EFCAB13: variants seen among roughly 807,000 people sequenced by gnomAD.
EFCAB13 encodes the protein EF-hand calcium-binding domain-containing protein 13.
EFCAB13 carries 91 observed loss-of-function variants against 110.2 expected under a neutral mutation model. The ratio of observed to expected loss-of-function variants is 0.83; its 90% CI spans 0.70 to 0.98. EFCAB13 has a LOEUF of 0.98. Ranked by LOEUF, EFCAB13 falls within the 50% of genes least tolerant of loss-of-function variation. EFCAB13 has a pLI of 0.00. For missense variants in EFCAB13, 968 were observed against 1,119.4 expected, an observed-to-expected ratio of 0.86 and a Z score of 1.93; for synonymous variants, 323 against 369.9, an observed-to-expected ratio of 0.87 and a Z score of 1.45.
chr17:47,338,243 G>GTTTTTTTTTTTTTTTTT (rs11334311), intron 5 of EFCAB13, among the ~76,000 whole-genome samples: 1 of 137,796 alleles, frequency 7.3e-6, no homozygotes, highest in Non-Finnish European at 1.6e-5. Context: ...GTCACTACTA[G>GTTTTTTTTTTTTTTTTT]TTTTTTTTTT....
In EFCAB13 at chr17:47,361,540, G is replaced by A. The variant is rs754900733; in HGVS notation, c.805+19G>A. ...ATTGACAGTGAGTTATTTGCATTGA[G>A]ATATATATGTCCATATATATGTGCA... is the stretch of plus-strand genomic sequence containing the variant. On this transcript the variant is annotated intron_variant, in intron 10 of 24. Transcript: ENST00000331493. 74 of 1,586,290 alleles carry A rather than the reference G, an allele frequency of 4.7e-5. No homozygotes were observed. The highest frequency in any genetic ancestry group is 6.0e-5 in the Non-Finnish European group (69 of 1,156,274).
chr17:47,413,707 T>C (rs1232510330), intron 22 of EFCAB13, among the ~76,000 whole-genome samples: 1 of 152,076 alleles, frequency 6.6e-6, no homozygotes, highest in East Asian at 1.9e-4. Context: ...AGATGCATGC[T>C]GGGCCTTCAA....
intron 23 of EFCAB13, among the ~76,000 whole-genome samples, chr17:47,416,582 TC>T: frequency 6.6e-6 from 1 of 152,178 alleles, no homozygotes; most frequent in South Asian, 2.1e-4. Context: ...TTTCCCCTTC[TC>T]CCCCTCCCCT....
chr17:47,332,533 AAT>A (rs1271728928), intron 4 of EFCAB13, among the ~76,000 whole-genome samples: 1 of 151,916 alleles, frequency 6.6e-6, no homozygotes, highest in Non-Finnish European at 1.5e-5. Context: ...CCCTTTGATC[AAT>A]GTCTTCCCAT....
intron 23 of EFCAB13, among the ~76,000 whole-genome samples, chr17:47,421,599 G>A (rs1904712777): frequency 2.4e-5 from 3 of 126,182 alleles, no homozygotes; most frequent in Non-Finnish European, 4.8e-5. Flanking sequence ...ATCCCCCTCT[G>A]CGAGAAACAC....
chr17:47,420,047 G>A (rs1429562045), intron 23 of EFCAB13, among the ~76,000 whole-genome samples: 1 of 152,014 alleles, frequency 6.6e-6, no homozygotes, highest in African/African-American at 2.4e-5. Flanking sequence ...CAACCTCCCT[G>A]CCTGATTCTC....
chr17:47,351,580 CT>C (rs2065453543), intron 9 of EFCAB13, among the ~76,000 whole-genome samples: 1 of 152,080 alleles, frequency 6.6e-6, no homozygotes, highest in Non-Finnish European at 1.5e-5. Context: ...TATATATCTT[CT>C]TTTGAAAAAT....
intron 5 of EFCAB13, among the ~76,000 whole-genome samples, chr17:47,340,372 T>G (rs1380953393): frequency 1.3e-5 from 2 of 152,130 alleles, no homozygotes; most frequent in Non-Finnish European, 2.9e-5. Context: ...TGTGTGCCTA[T>G]AATTCAGTAC....
At chr17:47,325,923 A>AAAATATAT (rs548207910) in intron 2 of EFCAB13, among the ~76,000 whole-genome samples, 4 of 102,552 alleles carry the variant, frequency 3.9e-5, no homozygotes, top group South Asian at 3.8e-4. Context: ...ATATAAACAA[A>AAAATATAT]ATATATATAT....
chr17:47,363,502 G>C (rs888553521), intron 10 of EFCAB13, among the ~76,000 whole-genome samples: 1 of 151,370 alleles, frequency 6.6e-6, no homozygotes, highest in Non-Finnish European at 1.5e-5. Context: ...TTCAAGTGTG[G>C]AAAGAGTCAA....
intron 23 of EFCAB13, among the ~76,000 whole-genome samples, chr17:47,422,841 C>A (rs1202505196): frequency 6.6e-6 from 1 of 152,086 alleles, no homozygotes; most frequent in African/African-American, 2.4e-5. Flanking sequence ...CAATCCCAAT[C>A]AAAAGTCTAG....
At chr17:47,353,223 G>A (rs2065463056) in intron 9 of EFCAB13, among the ~76,000 whole-genome samples, 1 of 151,960 alleles carries the variant, frequency 6.6e-6, no homozygotes, top group African/African-American at 2.4e-5. Flanking sequence ...GGTTTGTCAT[G>A]TATGGCCTTT....
chr17:47,345,238 C>T (rs1327963193), intron 8 of EFCAB13, 140 bp downstream of exon 8: 8 of 565,200 alleles, frequency 1.4e-5, no homozygotes, highest in East Asian at 6.4e-5. Flanking sequence ...GCAAATGCTG[C>T]GGGCTGTGAG....
chr17:47,373,137 A>G (rs1366478334), intron 11 of EFCAB13, among the ~76,000 whole-genome samples: 1 of 151,970 alleles, frequency 6.6e-6, no homozygotes, highest in Non-Finnish European at 1.5e-5. Context: ...ACCGCAGACT[A>G]TATATTTTCA....
At chr17:47,393,101 TA>T (rs113866826) in intron 15 of EFCAB13, among the ~76,000 whole-genome samples, 5 of 148,664 alleles carry the variant, frequency 3.4e-5, no homozygotes, top group African/African-American at 4.9e-5. Context: ...ATGAGATACT[TA>T]AAAAAAAAAG....
At chr17:47,379,730 G>A (rs1335025910) in intron 14 of EFCAB13, among the ~76,000 whole-genome samples, 1 of 151,310 alleles carries the variant, frequency 6.6e-6, no homozygotes, top group African/African-American at 2.4e-5. Flanking sequence ...ACCACAATAC[G>A]CTTTTGTTGC....
intron 9 of EFCAB13, among the ~76,000 whole-genome samples, chr17:47,352,167 G>T (rs921794108): frequency 2.0e-5 from 3 of 151,840 alleles, no homozygotes; most frequent in Non-Finnish European, 2.9e-5. Context: ...CTCCCAAAGT[G>T]CTGGGATTAC....
chr17:47,364,011 C>T (rs1020575347), intron 10 of EFCAB13, among the ~76,000 whole-genome samples: 2 of 152,182 alleles, frequency 1.3e-5, no homozygotes, highest in Non-Finnish European at 2.9e-5. Flanking sequence ...GAAACAGCTG[C>T]AGTACCTTGC....
intron 3 of EFCAB13, among the ~76,000 whole-genome samples, chr17:47,327,774 AGTAGCATT>A (rs1322083115): frequency 1.3e-5 from 2 of 152,200 alleles, no homozygotes. Context: ...TTTTGTTTGC[AGTAGCATT>A]GTTTTGAAAG....
Sources: gnomAD v4.1 joint callset for allele counts (sites outside exome capture counted in the v4.1 genomes callset) on GRCh38, gnomAD v4.1.1 for gene constraint, MANE v1.5 for transcripts, NCBI Gene and HGNC (gene_info 2026-07-23, HGNC 2026-07-21) for gene names.